CDK6: variants seen among roughly 807,000 people sequenced by gnomAD.
The protein encoded by CDK6 is cyclin-dependent kinase 6.
CDK6 carries 6 observed loss-of-function variants against 37.1 expected under a neutral mutation model. The observed-to-expected ratio is 0.16, with a 90% CI of 0.09 to 0.32. CDK6 has a LOEUF of 0.32. Among genes scored for constraint, CDK6 ranks in the 10% least tolerant of loss-of-function variants. The pLI is 1.00. For missense variants in CDK6, 224 were observed against 418.9 expected (o/e 0.53, Z 4.06); for synonymous variants, 160 against 161.3 (o/e 0.99, Z 0.06).
chr7:92,656,118 A>T (rs1796692528), intron 5 of CDK6, among the ~76,000 whole-genome samples: 1 of 152,158 alleles, frequency 6.6e-6, no homozygotes, highest in African/African-American at 2.4e-5. Context: ...AAAGAGAAGG[A>T]AGAGAAGGAG....
chr7:92,640,335 G>T (rs569976079), intron 5 of CDK6, among the ~76,000 whole-genome samples: 8 of 152,122 alleles, frequency 5.3e-5, no homozygotes, highest in Non-Finnish European at 1.2e-4. Flanking sequence ...CAGGAACCAG[G>T]TTTTTCTCTT....
chr7:92,771,669 T>C (rs1799722191), intron 3 of CDK6, among the ~76,000 whole-genome samples: 1 of 152,186 alleles, frequency 6.6e-6, no homozygotes, highest in Non-Finnish European at 1.5e-5. Flanking sequence ...CCTAATTCAA[T>C]TTTGTGTCCC....
intron 4 of CDK6, among the ~76,000 whole-genome samples, chr7:92,673,418 A>G (rs1348874971): frequency 6.6e-6 from 1 of 152,218 alleles, no homozygotes; most frequent in Non-Finnish European, 1.5e-5. Context: ...TGTTTAAGTA[A>G]TACTGGTTGA....
chr7:92,712,267 A>G (rs1228886420), intron 4 of CDK6, among the ~76,000 whole-genome samples: 2 of 152,200 alleles, frequency 1.3e-5, no homozygotes, highest in Admixed American at 1.3e-4. Context: ...GGATTTGGTG[A>G]ACTCTATCTT....
chr7:92,632,249 G>C (rs1008230645), intron 5 of CDK6, among the ~76,000 whole-genome samples: 3 of 152,090 alleles, frequency 2.0e-5, no homozygotes, highest in Non-Finnish European at 4.4e-5. Flanking sequence ...TGTTGCCTTT[G>C]GGGGAAAATA....
intron 3 of CDK6, among the ~76,000 whole-genome samples, chr7:92,762,353 G>C (rs867577358): frequency 6.6e-6 from 1 of 151,864 alleles, no homozygotes. Flanking sequence ...CCATCCTCCC[G>C]ACCCGGAATA....
intron 5 of CDK6, among the ~76,000 whole-genome samples, chr7:92,637,407 T>C (rs1321182137): frequency 6.6e-6 from 1 of 152,166 alleles, no homozygotes; most frequent in African/African-American, 2.4e-5. Flanking sequence ...TTTCAAACTA[T>C]AAAATAACTT....
At chr7:92,782,426 AGGG>A (rs1292098507) in intron 2 of CDK6, among the ~76,000 whole-genome samples, 1 of 152,202 alleles carries the variant, frequency 6.6e-6, no homozygotes, top group Non-Finnish European at 1.5e-5. Flanking sequence ...TTTTAACAGC[AGGG>A]GCCCACGGAT....
intron 2 of CDK6, among the ~76,000 whole-genome samples, chr7:92,823,370 T>G (rs1237181289): frequency 6.7e-6 from 1 of 149,178 alleles, no homozygotes; most frequent in East Asian, 2.0e-4. Flanking sequence ...AGCCACTGAT[T>G]AAGTTTCATG....
At chr7:92,650,753 G>A (rs1337036945) in intron 5 of CDK6, among the ~76,000 whole-genome samples, 1 of 152,188 alleles carries the variant, frequency 6.6e-6, no homozygotes, top group Non-Finnish European at 1.5e-5. Context: ...ACAGCTGGGG[G>A]CTGCCCATTG....
intron 2 of CDK6, among the ~76,000 whole-genome samples, chr7:92,812,554 G>A (rs181949535): frequency 3.3e-5 from 5 of 152,082 alleles, no homozygotes; most frequent in South Asian, 2.1e-4. Flanking sequence ...CAGAGTAGCC[G>A]GGACCAGAGG....
chr7:92,726,182 T>C (rs1021737070), intron 3 of CDK6, among the ~76,000 whole-genome samples: 9 of 152,114 alleles, frequency 5.9e-5, no homozygotes, highest in Admixed American at 5.2e-4. Flanking sequence ...TAAAATCCAG[T>C]GAATAATAAT....
intron 3 of CDK6, among the ~76,000 whole-genome samples, chr7:92,740,516 C>T (rs1001910004): frequency 6.6e-6 from 1 of 152,142 alleles, no homozygotes; most frequent in African/African-American, 2.4e-5. Flanking sequence ...ACTGTAATGT[C>T]ACCCTCCCTA....
chr7:92,724,729 T>A (rs916380582), intron 4 of CDK6, among the ~76,000 whole-genome samples: 5 of 152,210 alleles, frequency 3.3e-5, no homozygotes, highest in African/African-American at 9.6e-5. Context: ...ACGGATTATT[T>A]TTTTTTATTT....
At chr7:92,660,826 G>T (rs1796818566) in intron 5 of CDK6, among the ~76,000 whole-genome samples, 1 of 152,148 alleles carries the variant, frequency 6.6e-6, no homozygotes, top group African/African-American at 2.4e-5. Flanking sequence ...AAAAAGGGAA[G>T]GTAAGAGAAG....
At chr7:92,680,435 G>GAAAAAAAAAAAAAAAA (rs778849907) in intron 4 of CDK6, among the ~76,000 whole-genome samples, 1 of 27,920 alleles carries the variant, frequency 3.6e-5, no homozygotes, top group African/African-American at 1.2e-4. Context: ...TTCCATCTCA[G>GAAAAAAAAAAAAAAAA]AAAAAAAAAA....
chr7:92,832,663 C>T (rs1185103766), intron 2 of CDK6, among the ~76,000 whole-genome samples: 2 of 152,196 alleles, frequency 1.3e-5, no homozygotes, highest in Admixed American at 6.5e-5. Context: ...CACACGGCAT[C>T]CTCATTCTCC....
At chr7:92,671,893 C>G (rs1399557549) in intron 4 of CDK6, among the ~76,000 whole-genome samples, 1 of 151,016 alleles carries the variant, frequency 6.6e-6, no homozygotes, top group Non-Finnish European at 1.5e-5. Context: ...GTGATGGCAA[C>G]AATTACAGCT....
chr7:92,775,032 T>C (rs183563943), intron 2 of CDK6, among the ~76,000 whole-genome samples: 76 of 152,186 alleles, frequency 5.0e-4, no homozygotes, highest in Non-Finnish European at 3.7e-4. Context: ...GCACTCAGAG[T>C]GTGCGGTTAA....
Sources: allele counts gnomAD v4.1 joint callset (sites outside exome capture counted in the v4.1 genomes callset), GRCh38; gene constraint gnomAD v4.1.1; transcripts MANE v1.5; gene names NCBI Gene and HGNC (gene_info 2026-07-23, HGNC 2026-07-21).